UBE3B: variants seen among roughly 807,000 people sequenced by gnomAD.
UBE3B encodes ubiquitin-protein ligase E3B.
UBE3B carries 80 observed loss-of-function variants against 132.3 expected under a neutral mutation model. The observed-to-expected ratio is 0.60, with a 90% CI of 0.50 to 0.73. UBE3B has a LOEUF of 0.73. UBE3B is among the 30% of genes least tolerant of loss of function. UBE3B has a pLI of 0.00. For synonymous variants in UBE3B, 487 were observed against 520.4 expected, an observed-to-expected ratio of 0.94 and a Z score of 0.87; for missense variants, 1,196 against 1,362.5, an observed-to-expected ratio of 0.88 and a Z score of 1.92.
chr12:109,482,470 G>C (rs1040470747), intron 2 of UBE3B, among the ~76,000 whole-genome samples: 1 of 152,134 alleles, frequency 6.6e-6, no homozygotes, highest in Admixed American at 6.5e-5. Flanking sequence ...AGGATAGATG[G>C]CCCCTAGTTC....
intron 9 of UBE3B, among the ~76,000 whole-genome samples, chr12:109,497,289 A>G (rs924309022): frequency 6.6e-6 from 1 of 151,764 alleles, no homozygotes; most frequent in African/African-American, 2.4e-5. Context: ...ACATTATACA[A>G]TATATATACT....
At chr12:109,488,105 G>T (rs1876827206) in intron 6 of UBE3B, among the ~76,000 whole-genome samples, 1 of 152,226 alleles carries the variant, frequency 6.6e-6, no homozygotes, top group African/African-American at 2.4e-5. Context: ...GAGGAAAGCA[G>T]TGTTACTATT....
At chr12:109,523,157 T>C (rs7956788) in intron 21 of UBE3B, among the ~76,000 whole-genome samples, 86,205 of 151,950 alleles carry the variant, frequency 0.57, 25,475 homozygotes, top group African/African-American at 0.72. Context: ...CTCTGACAGG[T>C]GTCATCAAGT....
chr12:109,507,461 T>C, intron 14 of UBE3B, 103 bp from the exon 15 acceptor site: 1 of 1,276,404 alleles, frequency 7.8e-7, no homozygotes, highest in Non-Finnish European at 1.1e-6. Context: ...ACATTAAATG[T>C]TCATGGATAG....
In UBE3B at chr12:109,522,956, T is replaced by G. The variant is rs1477581587; in HGVS notation, c.2365-1022T>G. 1.3e-5 allele frequency among the ~76,000 whole-genome samples: 2 copies of G among 152,176 alleles called. No individual in the cohort carries two copies. The highest frequency in any genetic ancestry group is 2.9e-5 in the Non-Finnish European group (2 of 68,020). On this transcript the variant is annotated intron_variant, in intron 21 of 27. Transcript: ENST00000342494. This position sits in a 1 kb window ranked among gnomAD's most constrained non-coding sequence, Gnocchi z 4.2. ...TTTAAACACGTTGCTGTGATGACAC[T>G]CAGAAGAGCCTGGGCCACCTGGAAA...
the UBE3B span, among the ~76,000 whole-genome samples, chr12:109,545,656 A>T: frequency 6.6e-6 from 1 of 152,198 alleles, no homozygotes; most frequent in African/African-American, 2.4e-5. Context: ...GTGGGAGAAC[A>T]TTCTAGGCAA....
Position 109,507,738 on chromosome 12 carries a change from A to G in UBE3B, c.1622+3A>G. On this transcript the variant is annotated splice_donor_region_variant and intron_variant, in intron 15 of 27. Transcript: ENST00000342494. ...GACTGTTCGCGGCACCTCATCACGT[A>G]GGTTGACTGCTGTGGGACTGAATTC... 6.2e-7 allele frequency: 1 copy of G among 1,610,862 alleles called. No homozygotes were observed. The highest frequency in any genetic ancestry group is 8.5e-7 in the Non-Finnish European group (1 of 1,178,258).
intron 24 of UBE3B, 108 bp from the exon 25 acceptor site, chr12:109,529,782 G>GT: frequency 7.4e-7 from 1 of 1,359,708 alleles, no homozygotes; most frequent in Non-Finnish European, 1.0e-6. Flanking sequence ...TACTATTTGT[G>GT]TTTTTTGTAA....
At chr12:109,542,598 G>T in the UBE3B span, among the ~76,000 whole-genome samples, 1 of 152,096 alleles carries the variant, frequency 6.6e-6, no homozygotes. Flanking sequence ...ATAGGAGTAG[G>T]GTGGGACCCT....
rs373640919 is a variant in UBE3B, at chr12:109,489,895, G to A, written c.545-24G>A. 14 of 1,610,070 alleles carry A rather than the reference G, an allele frequency of 8.7e-6. No individual in the cohort carries two copies. In the Middle Eastern group the frequency reaches 5.0e-4, roughly 57 times the overall value. Reference sequence around the variant, plus strand: ...TCACATTATGGCAAGAGACTTTTTTGTTCTCACTGTTTTCTTTCTTTAGGT... The same window carrying A: ...TCACATTATGGCAAGAGACTTTTTTATTCTCACTGTTTTCTTTCTTTAGGT... On this transcript the variant is annotated intron_variant, in intron 7 of 27. Coordinates refer to ENST00000342494, the MANE Select transcript of UBE3B (RefSeq NM_130466.4).
chr12:109,526,566 C>T lies in UBE3B; in HGVS notation c.2627+150C>T, dbSNP rs1168001475. On this transcript the variant is annotated intron_variant, in intron 24 of 27. Transcript: ENST00000342494. Reference sequence around the variant, plus strand: ...AATTTACTGGTTACAGTTCATAGGCCAGAATTGTATTAAATTCAATTTGCG... The same window carrying T: ...AATTTACTGGTTACAGTTCATAGGCTAGAATTGTATTAAATTCAATTTGCG... The T allele has an allele frequency of 7.2e-6, 6 of 834,428 alleles. No homozygotes were observed. In the African/African-American group the frequency reaches 8.6e-5, roughly 12 times the overall value. 51.7% of individuals were successfully genotyped at this position (834,428 alleles called of 1,614,324 possible). A position where few individuals can be genotyped will look rare whatever the true frequency, so the allele number is the denominator to read the frequency against.
chr12:109,524,600 G>A, intron 23 of UBE3B, 97 bp downstream of exon 23: 1 of 1,392,178 alleles, frequency 7.2e-7, no homozygotes, highest in Non-Finnish European at 1.0e-6. Flanking sequence ...GCCCCAAGCT[G>A]AGGCTCTGTC....
At chr12:109,485,860 C>A in intron 4 of UBE3B, 152 bp from the exon 5 acceptor site, 2 of 760,318 alleles carry the variant, frequency 2.6e-6, no homozygotes, top group Non-Finnish European at 4.2e-6. Flanking sequence ...TCTTCAGTGT[C>A]CTCATCTGTA....
At chr12:109,526,786 G>T (rs151059374) in intron 24 of UBE3B, among the ~76,000 whole-genome samples, 125 of 151,704 alleles carry the variant, frequency 8.2e-4, no homozygotes, top group African/African-American at 2.9e-3. Flanking sequence ...CAGGAGAATC[G>T]CTTGAACCTG....
At chr12:109,529,841 T>A (rs1347575072) in intron 24 of UBE3B, 49 bp from the exon 25 acceptor site, 1 of 1,605,236 alleles carries the variant, frequency 6.2e-7, no homozygotes, top group Non-Finnish European at 8.5e-7. Context: ...GGTGACAGCC[T>A]GCCCCGTCCT....
chr12:109,522,844 A>G lies in UBE3B; in HGVS notation c.2365-1134A>G, dbSNP rs951510114. 6.6e-6 allele frequency among the ~76,000 whole-genome samples: 1 copy of G among 152,204 alleles called. No individual in the cohort carries two copies. Among genetic ancestry groups the G allele is most frequent in the Non-Finnish European group, 1.5e-5 (1 of 68,034 alleles). ...TCTGTGCCTCTGTTTCCTCATCTGCATAATAGAAACAATTTCTCAGTTGAT... is the reference window on the plus strand; with the variant it reads ...TCTGTGCCTCTGTTTCCTCATCTGCGTAATAGAAACAATTTCTCAGTTGAT... On this transcript the variant is annotated intron_variant, in intron 21 of 27. Coordinates refer to ENST00000342494, the MANE Select transcript of UBE3B (RefSeq NM_130466.4). The surrounding 1 kb of genome is among the most constrained non-coding windows in gnomAD (Gnocchi z 4.2).
chr12:109,478,343 T>C (rs903751931), intron 1 of UBE3B, among the ~76,000 whole-genome samples: 112 of 152,206 alleles, frequency 7.4e-4, no homozygotes, highest in African/African-American at 2.6e-3. Context: ...TTGTTTGTTT[T>C]ACTTAGTGAT....
intron 24 of UBE3B, among the ~76,000 whole-genome samples, chr12:109,529,166 A>G (rs896664071): frequency 1.3e-5 from 2 of 152,240 alleles, no homozygotes; most frequent in Non-Finnish European, 2.9e-5. Flanking sequence ...GTCTCAAAAC[A>G]TAAATAAATA....
At chr12:109,504,546 G>T (rs1879410592) in intron 14 of UBE3B, among the ~76,000 whole-genome samples, 1 of 152,210 alleles carries the variant, frequency 6.6e-6, no homozygotes, top group South Asian at 2.1e-4. Flanking sequence ...AAGACCGGGG[G>T]CAGGGCCTGT....
Sources: allele counts gnomAD v4.1 joint callset (sites outside exome capture counted in the v4.1 genomes callset), GRCh38; gene constraint gnomAD v4.1.1; non-coding constraint Gnocchi (gnomAD v3.1); transcripts MANE v1.5; gene names NCBI Gene and HGNC (gene_info 2026-07-23, HGNC 2026-07-21).